Variants in ACSM3 observed in about 807,000 individuals in gnomAD.
ACSM3 encodes the protein acyl-CoA synthetase medium chain family member 3.
ACSM3 carries 61 observed loss-of-function variants against 74.1 expected under a neutral mutation model. The ratio of observed to expected loss-of-function variants is 0.82; its 90% CI spans 0.67 to 1.02. The LOEUF (loss-of-function observed/expected upper bound fraction) is 1.02. Ranked by LOEUF, ACSM3 falls within the 50% of genes least tolerant of loss-of-function variation. ACSM3 has a pLI of 0.00. For missense variants in ACSM3, 660 were observed against 697.0 expected, an observed-to-expected ratio of 0.95 and a Z score of 0.60; for synonymous variants, 213 against 241.5, an observed-to-expected ratio of 0.88 and a Z score of 1.09.
Position 20,720,418 on chromosome 16 carries a change from C to T in ACSM3, c.-189-29492C>T, listed in dbSNP as rs150214191. ...TACAGTTCACAATAGGGTACGCACTCCTATAAGAATCTAATGCCACCACTG... is the reference window on the plus strand; with the variant it reads ...TACAGTTCACAATAGGGTACGCACTTCTATAAGAATCTAATGCCACCACTG... On this transcript the variant is annotated intron_variant, in intron 1 of 3. Transcript: ENST00000561584. Among the ~76,000 whole-genome samples, 1,451 of 152,286 alleles carry T rather than the reference C, an allele frequency of 9.5e-3. 17 individuals are homozygous for T. The highest frequency in any genetic ancestry group is 0.033 in the African/African-American group (1,379 of 41,560).
chr16:20,739,720 C>G (rs2079901148), intron 1 of ACSM3, among the ~76,000 whole-genome samples: 2 of 151,684 alleles, frequency 1.3e-5, no homozygotes, highest in South Asian at 4.1e-4. Flanking sequence ...ACTCAGGAGG[C>G]TGAGGCAGGA....
intron 4 of ACSM3, among the ~76,000 whole-genome samples, chr16:20,778,157 A>G (rs1005716493): frequency 1.3e-5 from 2 of 152,208 alleles, no homozygotes; most frequent in African/African-American, 2.4e-5. Flanking sequence ...TGACAGCAAC[A>G]CTGGTATCAG....
At chr16:20,728,312 T>C in intron 1 of ACSM3, 1 of 709,732 alleles carries the variant, frequency 1.4e-6, no homozygotes. Flanking sequence ...TGCTATTCAC[T>C]GTACAACTAT....
rs1405842568 is a variant in ACSM3 at position 20,797,423 on chromosome 16, A to C, written c.*451A>C. On this transcript the variant is annotated 3_prime_UTR_variant, in exon 14 of 14. Coordinates refer to ENST00000289416, the MANE Select transcript of ACSM3 (RefSeq NM_005622.4). ...AAGATTATGATAATCTCAAAGTACA[A>C]GAATCTACCTGAAAATAGACTAGGG... is the stretch of plus-strand genomic sequence containing the variant. 9.8e-6 allele frequency: 10 copies of C among 1,016,874 alleles called. No homozygotes were observed. Among genetic ancestry groups the C allele is most frequent in the African/African-American group, 1.7e-5 (1 of 58,848 alleles). 63.0% of individuals were successfully genotyped at this position (1,016,874 alleles called of 1,614,324 possible).
chr16:20,706,955 C>G (rs1239582302), intron 1 of ACSM3, among the ~76,000 whole-genome samples: 1 of 152,172 alleles, frequency 6.6e-6, no homozygotes, highest in Non-Finnish European at 1.5e-5. Context: ...ACCCTCTCAG[C>G]AGCAACCCAA....
rs536215708 is a variant in ACSM3 at position 20,793,787 on chromosome 16, C to T, written c.1554+1452C>T. On this transcript the variant is annotated intron_variant, in intron 12 of 13. Transcript: ENST00000289416. ...TCTGAACATCATCGGCAAGGTTTCA[C>T]GAGTCTTAGCTCTTCCTGTACTTCT... Among the ~76,000 whole-genome samples, 206 of 152,300 alleles carry T rather than the reference C, an allele frequency of 1.4e-3. 1 individual carries two copies. Among genetic ancestry groups the T allele is most frequent in the African/African-American group, 4.8e-3 (198 of 41,566 alleles).
At chr16:20,733,655 G>C (rs1037754431) in intron 1 of ACSM3, 2 of 151,726 alleles carry the variant, frequency 1.3e-5, no homozygotes, top group South Asian at 2.1e-4. Context: ...AAAAATATTA[G>C]AACACCAATT....
At chr16:20,784,175 C>T (rs2080418348) in intron 7 of ACSM3, among the ~76,000 whole-genome samples, 1 of 152,154 alleles carries the variant, frequency 6.6e-6, no homozygotes, top group Middle Eastern at 3.2e-3. Context: ...CTTTTTTCCT[C>T]TAACAATACA....
At chr16:20,783,964 C>A (rs143942306) in intron 7 of ACSM3, among the ~76,000 whole-genome samples, 1 of 152,166 alleles carries the variant, frequency 6.6e-6, no homozygotes, top group African/African-American at 2.4e-5. Flanking sequence ...CACCACCATG[C>A]CTGGCTACTT....
chr16:20,730,995 G>T (rs927298248), intron 1 of ACSM3, among the ~76,000 whole-genome samples: 1 of 152,132 alleles, frequency 6.6e-6, no homozygotes, highest in Non-Finnish European at 1.5e-5. Context: ...GAGTCGCTAG[G>T]ACTACACATG....
At chr16:20,687,065 C>T (rs961760602) in intron 1 of ACSM3, among the ~76,000 whole-genome samples, 2 of 151,452 alleles carry the variant, frequency 1.3e-5, no homozygotes, top group South Asian at 2.1e-4. Context: ...CCAACTCCCA[C>T]CTCTTCTCTC....
chr16:20,691,288 C>A, intron 1 of ACSM3: 1 of 1,053,122 alleles, frequency 9.5e-7, no homozygotes, highest in Non-Finnish European at 1.3e-6. Flanking sequence ...AAACTTTCTC[C>A]CTAAATTGGG....
At chr16:20,777,651 G>A (rs1316945880) in intron 4 of ACSM3, 71 bp downstream of exon 4, 9 of 1,351,536 alleles carry the variant, frequency 6.7e-6, no homozygotes, top group Non-Finnish European at 9.3e-6. Context: ...ATTAAACCCA[G>A]CAGTGATTAG....
intron 1 of ACSM3, among the ~76,000 whole-genome samples, chr16:20,690,313 G>C (rs144863896): frequency 6.6e-5 from 10 of 152,252 alleles, no homozygotes; most frequent in Admixed American, 2.6e-4. Context: ...ACCATCCATT[G>C]TCTACCTGAC....
intron 13 of ACSM3, 87 bp from the exon 14 acceptor site, chr16:20,796,799 T>C: frequency 6.3e-7 from 1 of 1,577,414 alleles, no homozygotes; most frequent in Non-Finnish European, 8.6e-7. Flanking sequence ...TTCTTCCACC[T>C]AGAATTCATA....
chr16:20,688,559 C>A (rs1438779137), intron 1 of ACSM3, among the ~76,000 whole-genome samples: 1 of 151,938 alleles, frequency 6.6e-6, no homozygotes, highest in Non-Finnish European at 1.5e-5. Context: ...AAGAGATTCT[C>A]AATAAGATTA....
Position 20,777,578 on chromosome 16 carries a change from GAAGT to G in ACSM3, c.637_638+2del, listed in dbSNP as rs778935281. 6.2e-7 allele frequency: 1 copy of G among 1,612,304 alleles called. No individual in the cohort carries two copies. The highest frequency in any genetic ancestry group is 8.5e-7 in the Non-Finnish European group (1 of 1,178,574). On this transcript the variant is annotated splice_donor_variant and coding_sequence_variant, in exon 4 of 14. Coordinates refer to ENST00000289416, the MANE Select transcript of ACSM3 (RefSeq NM_005622.4). LOFTEE classifies it high-confidence loss of function. ...GGTGGGGGAACCTCAAGGAGTTGAT[GAAGT>G]GAGTAGCCACACTTGTTGTAAAACA...
chr16:20,761,101 T>A (rs1260173622), upstream of ACSM3, among the ~76,000 whole-genome samples: 1 of 112,484 alleles, frequency 8.9e-6, no homozygotes, highest in East Asian at 2.6e-4. Context: ...GTATACACAT[T>A]TTTTTTTTTT....
chr16:20,707,617 G>A (rs3848252), intron 1 of ACSM3, among the ~76,000 whole-genome samples: 19,599 of 152,130 alleles, frequency 0.13, 1,339 homozygotes, highest in East Asian at 0.21. Context: ...CACCAACTGT[G>A]GACTCCATTG....
Sources: gnomAD v4.1 joint callset for allele counts (sites outside exome capture counted in the v4.1 genomes callset) on GRCh38, gnomAD v4.1.1 for gene constraint, MANE v1.5 for transcripts, NCBI Gene and HGNC (gene_info 2026-07-23, HGNC 2026-07-21) for gene names.